Variants in KCNG3 observed in about 807,000 individuals in gnomAD.
KCNG3 encodes the protein potassium voltage-gated channel modifier subfamily G member 3, also known as voltage-gated potassium channel regulatory subunit KCNG3.
Under a neutral mutation model 29.0 loss-of-function variants are expected in KCNG3, and 15 were observed. The observed-to-expected ratio is 0.52, with a 90% confidence interval of 0.35 to 0.80. The LOEUF (loss-of-function observed/expected upper bound fraction) is 0.80, where lower values mean the gene tolerates loss of function less well. Among genes scored for constraint, KCNG3 ranks in the 30% least tolerant of loss-of-function variants. KCNG3 has a pLI of 0.01. For synonymous variants in KCNG3, 322 were observed against 248.9 expected (o/e 1.29, Z -2.76); for missense variants, 512 against 605.7 (o/e 0.85, Z 1.62).
the KCNG3 span, among the ~76,000 whole-genome samples, chr2:42,421,406 T>G: frequency 6.6e-6 from 1 of 152,172 alleles, no homozygotes; most frequent in South Asian, 2.1e-4. Context: ...GAAAGGAACG[T>G]TTAAACTAAG....
intron 1 of KCNG3, among the ~76,000 whole-genome samples, chr2:42,480,973 G>A (rs935190809): frequency 6.6e-6 from 1 of 152,020 alleles, no homozygotes; most frequent in Non-Finnish European, 1.5e-5. Context: ...TAGAGACAGG[G>A]TTTCGCCATG....
chr2:42,390,469 A>T, the KCNG3 span, among the ~76,000 whole-genome samples: 1 of 152,180 alleles, frequency 6.6e-6, no homozygotes. Context: ...GGTGCCTTTA[A>T]TATTTTGTTC....
intron 1 of KCNG3, among the ~76,000 whole-genome samples, chr2:42,491,768 T>C (rs924477335): frequency 1.3e-5 from 2 of 152,200 alleles, no homozygotes; most frequent in East Asian, 3.8e-4. Flanking sequence ...GAATATTATG[T>C]AGAAGTAATC....
At chr2:42,468,635 G>A (rs553104668) in intron 1 of KCNG3, among the ~76,000 whole-genome samples, 1 of 152,164 alleles carries the variant, frequency 6.6e-6, no homozygotes, top group East Asian at 1.9e-4. Context: ...TATGTTCATG[G>A]ATAATAAAAC....
intron 1 of KCNG3, among the ~76,000 whole-genome samples, chr2:42,464,480 C>T (rs755710128): frequency 6.6e-6 from 1 of 152,096 alleles, no homozygotes; most frequent in Non-Finnish European, 1.5e-5. Context: ...CAAAAACATT[C>T]GCAGTACTAA....
At chr2:42,458,802 G>GAA (rs56077997) in intron 1 of KCNG3, among the ~76,000 whole-genome samples, 47 of 148,558 alleles carry the variant, frequency 3.2e-4, no homozygotes, top group Admixed American at 8.7e-4. Flanking sequence ...ACTTAAAAAA[G>GAA]AAAAAAAAAA....
Position 42,493,551 on chromosome 2 carries a change from C to G in KCNG3, c.-50G>C, listed in dbSNP as rs1010533286. The G allele has an allele frequency of 2.3e-6, 3 of 1,288,146 alleles. No individual in the cohort carries two copies. The highest frequency in any genetic ancestry group is 1.6e-5 in the African/African-American group (1 of 64,438). The allele number at this position is 1,288,146 out of a possible 1,614,324, so 79.8% of individuals were successfully genotyped here. A position where few individuals can be genotyped will look rare whatever the true frequency, so the allele number is the denominator to read the frequency against. The stretch of plus-strand genomic sequence containing the variant: ...GCCCGAGGGCCCCGCTGCAGCCCCC[C>G]ACCCCAAGCCGCCACGCGGGGCCTG... On this transcript the variant is annotated 5_prime_UTR_variant, in exon 1 of 2. Transcript: ENST00000306078.
chr2:42,493,061 C>T lies in KCNG3; in HGVS notation c.441G>A (p.Ala147=). 1 of 1,529,200 alleles carries T rather than the reference C, an allele frequency of 6.5e-7. No homozygotes were observed. The highest frequency in any genetic ancestry group is 1.4e-5 in the African/African-American group (1 of 71,948). 94.7% of individuals were successfully genotyped at this position (1,529,200 alleles called of 1,614,324 possible). The change falls in exon 1 of 2, where the codon GCG becomes GCA. Residue 147 remains alanine (A), a synonymous_variant. Transcript: ENST00000306078. ...GCTCCAGCCAGCGCCTGGAGGGAGC[C>T]GCCTCGGCCCCGCCGGGGCGCGCCT... The part of the protein sequence containing the change: ...RDEARPGGAE[A]APSRRWLERM...
intron 1 of KCNG3, chr2:42,470,113 T>A: frequency 2.1e-6 from 1 of 472,312 alleles, no homozygotes; most frequent in Non-Finnish European, 3.9e-6. Context: ...TTCAAAAGCA[T>A]CTTGAGAGGA....
At chr2:42,428,906 G>A in the KCNG3 span, among the ~76,000 whole-genome samples, 1 of 152,044 alleles carries the variant, frequency 6.6e-6, no homozygotes, top group African/African-American at 2.4e-5. Context: ...ATCACTTGAG[G>A]TCAGGAGTTT....
At chr2:42,428,831 G>C in the KCNG3 span, among the ~76,000 whole-genome samples, 1 of 152,064 alleles carries the variant, frequency 6.6e-6, no homozygotes, top group Non-Finnish European at 1.5e-5. Context: ...ACAGAAACAG[G>C]CACGACGCTG....
chr2:42,480,353 CCTGTAG>C (rs1673550957), intron 1 of KCNG3, among the ~76,000 whole-genome samples: 1 of 152,144 alleles, frequency 6.6e-6, no homozygotes, highest in Non-Finnish European at 1.5e-5. Flanking sequence ...TGCCTGAGGT[CCTGTAG>C]CTAGACACTG....
the KCNG3 span, among the ~76,000 whole-genome samples, chr2:42,435,006 C>T: frequency 2.7e-3 from 417 of 152,202 alleles, 2 homozygotes; most frequent in South Asian, 1.0e-2. Flanking sequence ...CTATAAAACT[C>T]TTAAGAGAAA....
chr2:42,493,621 C>T lies in KCNG3; in HGVS notation c.-120G>A, dbSNP rs1558394114. On this transcript the variant is annotated 5_prime_UTR_variant, in exon 1 of 2. Transcript: ENST00000306078. ...GGAGCGCGCCGTCGGGGCCCGCGCT[C>T]CCTCGGGGCTCCGCTCCTGCCCTCC... 7 of 874,166 alleles carry T rather than the reference C, an allele frequency of 8.0e-6. No individual in the cohort carries two copies. Among genetic ancestry groups the T allele is most frequent in the Non-Finnish European group, 9.0e-6 (6 of 665,236 alleles). The allele number at this position is 874,166 out of a possible 1,614,324, so 54.2% of individuals were successfully genotyped here. A position where few individuals can be genotyped will look rare whatever the true frequency, so the allele number is the denominator to read the frequency against.
chr2:42,443,902 T>C lies in KCNG3; in HGVS notation c.*32A>G, dbSNP rs1159704462. On this transcript the variant is annotated 3_prime_UTR_variant, in exon 2 of 2. Coordinates refer to ENST00000306078, the MANE Select transcript of KCNG3 (RefSeq NM_133329.6). ...ATGAAGCAGCATCAAAGTCTTTCTATGAAGTGTATGCAAGAATTGATTTGC... is the reference window on the plus strand; with the variant it reads ...ATGAAGCAGCATCAAAGTCTTTCTACGAAGTGTATGCAAGAATTGATTTGC... The C allele has an allele frequency of 1.3e-6, 2 of 1,563,484 alleles. No individual in the cohort carries two copies. Among genetic ancestry groups the C allele is most frequent in the Non-Finnish European group, 1.7e-6 (2 of 1,153,442 alleles).
At chr2:42,406,471 G>A in the KCNG3 span, among the ~76,000 whole-genome samples, 6 of 148,288 alleles carry the variant, frequency 4.0e-5, no homozygotes, top group South Asian at 4.4e-4. Context: ...CACCCACCTC[G>A]GCCTCCCAAA....
intron 1 of KCNG3, among the ~76,000 whole-genome samples, chr2:42,458,247 G>A (rs1672927438): frequency 6.6e-6 from 1 of 152,062 alleles, no homozygotes; most frequent in East Asian, 1.9e-4. Flanking sequence ...AGTTTTTAAG[G>A]GGCTGCTATT....
intron 1 of KCNG3, among the ~76,000 whole-genome samples, chr2:42,451,987 T>C (rs960583523): frequency 6.6e-6 from 1 of 151,934 alleles, no homozygotes; most frequent in African/African-American, 2.4e-5. Context: ...TATTTGCAAG[T>C]CATTTATCTG....
At chr2:42,483,581 CT>C (rs1030598044) in intron 1 of KCNG3, among the ~76,000 whole-genome samples, 2 of 152,176 alleles carry the variant, frequency 1.3e-5, no homozygotes, top group African/African-American at 4.8e-5. Flanking sequence ...AGGCATAAAA[CT>C]GGGTAACAGC....
Sources: gnomAD v4.1 joint callset for allele counts (sites outside exome capture counted in the v4.1 genomes callset) on GRCh38, gnomAD v4.1.1 for gene constraint, MANE v1.5 for transcripts, NCBI Gene and HGNC (gene_info 2026-07-23, HGNC 2026-07-21) for gene names.